IRX4: variants seen among roughly 807,000 people sequenced by gnomAD.
The protein encoded by IRX4 is iroquois homeobox 4, also known as iroquois-class homeodomain protein IRX-4.
In IRX4, 22 loss-of-function variants were observed where a neutral mutation model predicts 32.0. The observed-to-expected ratio is 0.69, with a 90% CI of 0.49 to 0.98. The LOEUF (loss-of-function observed/expected upper bound fraction) is 0.98, where lower values mean the gene tolerates loss of function less well. Among genes scored for constraint, IRX4 ranks in the 50% least tolerant of loss-of-function variants. The pLI is 0.00. For synonymous variants in IRX4, 379 were observed against 351.7 expected, an observed-to-expected ratio of 1.08 and a Z score of -0.87; for missense variants, 840 against 744.2, an observed-to-expected ratio of 1.13 and a Z score of -1.50.
Position 1,878,687 on chromosome 5 carries a change from G to C in IRX4, c.842C>G (p.Ser281Cys). Reference protein sequence around the residue: ...PACELKPPFHSLDGGLERVPA... With the variant: ...PACELKPPFHCLDGGLERVPA... ...GACGCGCTCCAGACCGCCGTCCAGGGAGTGGAAGGGCGGCTTCAGCTCGCA... is the reference window on the plus strand; with the variant it reads ...GACGCGCTCCAGACCGCCGTCCAGGCAGTGGAAGGGCGGCTTCAGCTCGCA... The change falls in exon 5 of 5, where the codon TCC (serine) becomes TGC (cysteine). Residue 281 changes from serine (S) to cysteine (C), a missense_variant. Physicochemically the swap from Ser to Cys is moderately radical, Grantham distance 112. Coordinates refer to ENST00000231357, the MANE Select transcript of IRX4 (RefSeq NM_016358.3). The C allele has an allele frequency of 6.2e-7, 1 of 1,608,198 alleles. No individual in the cohort carries two copies. Among genetic ancestry groups the C allele is most frequent in the Non-Finnish European group, 8.5e-7 (1 of 1,178,130 alleles).
Position 1,882,769 on chromosome 5 carries a change from G to T in IRX4, c.-122C>A. 2 of 566,634 alleles carry T rather than the reference G, an allele frequency of 3.5e-6. No individual in the cohort carries two copies. Among genetic ancestry groups the T allele is most frequent in the South Asian group, 8.7e-5 (2 of 23,064 alleles). The allele number at this position is 566,634 out of a possible 1,614,324, so 35.1% of individuals were successfully genotyped here. A position where few individuals can be genotyped will look rare whatever the true frequency, so the allele number is the denominator to read the frequency against. ...GGCGCTGGGAGGGCGAAGCAGGAGAGCCGGTTAGTCCATCCCCGCGCTCCG... is the reference window on the plus strand; with the variant it reads ...GGCGCTGGGAGGGCGAAGCAGGAGATCCGGTTAGTCCATCCCCGCGCTCCG... On this transcript the variant is annotated 5_prime_UTR_variant, in exon 1 of 5. Coordinates refer to ENST00000231357, the MANE Select transcript of IRX4 (RefSeq NM_016358.3).
rs552545208 is a variant in IRX4 at position 1,877,828 on chromosome 5, A to C, written c.*141T>G. 3.3e-4 allele frequency: 249 copies of C among 763,750 alleles called. No individual in the cohort carries two copies. The Middle Eastern group carries it at 8.9e-3, about 27-fold the overall frequency. 47.3% of individuals were successfully genotyped at this position (763,750 alleles called of 1,614,324 possible). ...CGCCGGGCTTGTCCATGTTCCCAGGAGTCCAAGTTCAGAAGCCCCCTCTCC... is the reference window on the plus strand; with the variant it reads ...CGCCGGGCTTGTCCATGTTCCCAGGCGTCCAAGTTCAGAAGCCCCCTCTCC... On this transcript the variant is annotated 3_prime_UTR_variant, in exon 5 of 5. Coordinates refer to ENST00000231357, the MANE Select transcript of IRX4 (RefSeq NM_016358.3).
Position 1,877,523 on chromosome 5 carries a change from T to G in IRX4, c.*446A>C, listed in dbSNP as rs910287718. ...TCTTAAAAAGCATCATATTATGGAG[T>G]CAAGAGTGTGCAAGAGTCAACTCAG... On this transcript the variant is annotated 3_prime_UTR_variant, in exon 5 of 5. Coordinates refer to ENST00000231357, the MANE Select transcript of IRX4 (RefSeq NM_016358.3). The G allele has an allele frequency of 1.2e-5, 2 of 171,472 alleles. No individual in the cohort carries two copies. The highest frequency in any genetic ancestry group is 2.4e-5 in the Non-Finnish European group (2 of 82,518). 10.6% of individuals were successfully genotyped at this position (171,472 alleles called of 1,614,324 possible).
upstream of IRX4, among the ~76,000 whole-genome samples, chr5:1,885,979 C>A (rs758979588): frequency 3.0e-4 from 45 of 149,722 alleles, no homozygotes; most frequent in Middle Eastern, 3.5e-3. Flanking sequence ...CCGGAGTACA[C>A]AGCACCGGCT....
In IRX4 at chr5:1,882,588, C is replaced by T; in HGVS notation, c.45+15G>A. ...GGCACCTGCGGTGGCCTGGGCGGGG[C>T]GGGGCTCCGCTTACCTGGGGAGCCG... On this transcript the variant is annotated intron_variant, in intron 1 of 4. Transcript: ENST00000231357. 4 of 1,484,914 alleles carry T rather than the reference C, an allele frequency of 2.7e-6. No individual in the cohort carries two copies. The highest frequency in any genetic ancestry group is 2.6e-5 in the South Asian group (2 of 75,994). 92.0% of individuals were successfully genotyped at this position (1,484,914 alleles called of 1,614,324 possible).
intron 2 of IRX4, chr5:1,881,052 CGGGCCGGTGGGGGG>C (rs1157120845): frequency 2.2e-5 from 2 of 92,004 alleles, no homozygotes; most frequent in Non-Finnish European, 3.3e-5. Context: ...TGGTGGAGCG[CGGGCCGGTGGGGGG>C]GGGCGGGGGG....
At chr5:1,880,696 A>T (rs1735394977) in intron 3 of IRX4, 29 bp downstream of exon 3, 1 of 1,450,390 alleles carries the variant, frequency 6.9e-7, no homozygotes, top group Admixed American at 1.7e-5. Context: ...CCGTGGGGCT[A>T]GTGCTGGTTA....
chr5:1,886,951 A>AGCC (rs1425244210), upstream of IRX4: 4 of 150,930 alleles, frequency 2.7e-5, no homozygotes, highest in African/African-American at 9.7e-5. Flanking sequence ...GAGTCGCCGC[A>AGCC]GCCGCCGCCG....
Position 1,878,019 on chromosome 5 carries a change from T to C in IRX4, c.1510A>G (p.Arg504Gly), listed in dbSNP as rs1474408427. 8.6e-6 allele frequency: 13 copies of C among 1,507,466 alleles called. No individual in the cohort carries two copies. Among genetic ancestry groups the C allele is most frequent in the Non-Finnish European group, 1.1e-5 (12 of 1,133,658 alleles). The allele number at this position is 1,507,466 out of a possible 1,614,324, so 93.4% of individuals were successfully genotyped here. ...PQDAPAAGAA[R>G]ELLALPKAGG... ...GCCTTGGGCAGGGCGAGCAGCTCCC[T>C]GGCGGCGCCTGCAGCTGGGGCGTCC... The change falls in exon 5 of 5, where the codon AGG becomes GGG. Residue 504 changes from arginine (R) to glycine (G), a missense_variant. Transcript: ENST00000231357.
At chr5:1,880,160 G>A (rs1561136509) in intron 3 of IRX4, 2 of 1,531,532 alleles carry the variant, frequency 1.3e-6, no homozygotes, top group Non-Finnish European at 1.7e-6. Flanking sequence ...CCATAAAAAG[G>A]TATAGACAGG....
At position 1,877,850 on chromosome 5, in the gene IRX4, C is replaced by A; in HGVS notation, c.*119G>T. ...AGGAGTCCAAGTTCAGAAGCCCCCTCTCCGGTGGGTTGGCGGCTTCGCGGT... is the reference window on the plus strand; with the variant it reads ...AGGAGTCCAAGTTCAGAAGCCCCCTATCCGGTGGGTTGGCGGCTTCGCGGT... On this transcript the variant is annotated 3_prime_UTR_variant, in exon 5 of 5. Transcript: ENST00000231357. 1 of 945,484 alleles carries A rather than the reference C, an allele frequency of 1.1e-6. No homozygotes were observed. The highest frequency in any genetic ancestry group is 1.5e-6 in the Non-Finnish European group (1 of 649,722). The allele number at this position is 945,484 out of a possible 1,614,324, so 58.6% of individuals were successfully genotyped here. A position where few individuals can be genotyped will look rare whatever the true frequency, so the allele number is the denominator to read the frequency against.
At position 1,880,806 on chromosome 5, in the gene IRX4, C is replaced by A. The variant is rs1295004032; in HGVS notation, c.326G>T (p.Gly109Val). 2 of 1,613,708 alleles carry A rather than the reference C, an allele frequency of 1.2e-6. No individual in the cohort carries two copies. The highest frequency in any genetic ancestry group is 1.1e-5 in the South Asian group (1 of 91,066). The part of the protein sequence containing the change: ...LNSFDSKDGS[G>V]SAHGGLAPAA... The stretch of plus-strand genomic sequence containing the variant: ...TGGTGCCAGGCCCCCATGCGCAGAT[C>A]CCGAACCATCCTTGGAATCAAAGCT... The change falls in exon 3 of 5, where the codon GGA (glycine) becomes GTA (valine). Residue 109 changes from glycine (G) to valine (V), a missense_variant. By Grantham distance (109) the Gly-to-Val change is moderately radical. Transcript: ENST00000231357.
rs901266989 is a variant in IRX4, at chr5:1,877,721, G to A, written c.*248C>T. ...CAGGGTATCTGGCCTCTTCTGCTCCGAGAGCCTCTCCTTCCGCGTCCCAAA... is the reference window on the plus strand; with the variant it reads ...CAGGGTATCTGGCCTCTTCTGCTCCAAGAGCCTCTCCTTCCGCGTCCCAAA... On this transcript the variant is annotated 3_prime_UTR_variant, in exon 5 of 5. Coordinates refer to ENST00000231357, the MANE Select transcript of IRX4 (RefSeq NM_016358.3). 1.2e-5 allele frequency: 6 copies of A among 519,514 alleles called. No individual in the cohort carries two copies. The highest frequency in any genetic ancestry group is 2.0e-5 in the African/African-American group (1 of 48,922). The allele number at this position is 519,514 out of a possible 1,614,324, so 32.2% of individuals were successfully genotyped here. A position where few individuals can be genotyped will look rare whatever the true frequency, so the allele number is the denominator to read the frequency against.
Position 1,878,012 on chromosome 5 carries a change from A to G in IRX4, c.1517T>C (p.Leu506Pro). The G allele has an allele frequency of 2.0e-6, 3 of 1,507,348 alleles. No individual in the cohort carries two copies. Among genetic ancestry groups the G allele is most frequent in the Non-Finnish European group, 2.6e-6 (3 of 1,133,534 alleles). The allele number at this position is 1,507,348 out of a possible 1,614,324, so 93.4% of individuals were successfully genotyped here. Residue 506 changes from leucine (L) to proline (P), a missense_variant, in exon 5 of 5, where the codon CTG (leucine) becomes CCG (proline). Coordinates refer to ENST00000231357, the MANE Select transcript of IRX4 (RefSeq NM_016358.3). ...GCCGCCGGCCTTGGGCAGGGCGAGC[A>G]GCTCCCTGGCGGCGCCTGCAGCTGG... The part of the protein sequence containing the change: ...DAPAAGAARE[L>P]LALPKAGGKP...
Position 1,882,674 on chromosome 5 carries a change from CG to C in IRX4, c.-28del. On this transcript the variant is annotated 5_prime_UTR_variant, in exon 1 of 5. Transcript: ENST00000231357. Reference sequence around the variant, plus strand: ...GCGGGCGCGGCCCGGGGCGGACGGGCGGGGCCTGCAGGGTTCTGCGCGCTGG... The same window carrying C: ...GCGGGCGCGGCCCGGGGCGGACGGGCGGGCCTGCAGGGTTCTGCGCGCTGG... 7.3e-7 allele frequency: 1 copy of C among 1,368,290 alleles called. No homozygotes were observed. The highest frequency in any genetic ancestry group is 9.5e-7 in the Non-Finnish European group (1 of 1,056,026). 84.8% of individuals were successfully genotyped at this position (1,368,290 alleles called of 1,614,324 possible).
rs140474834 is a variant in IRX4, at chr5:1,879,411, C to G, written c.736+93G>C. On this transcript the variant is annotated intron_variant, in intron 4 of 4. Coordinates refer to ENST00000231357, the MANE Select transcript of IRX4 (RefSeq NM_016358.3). ...GTGACCGCCTAGGCATGGGGCTCGG[C>G]GTTTGGGACCCCCAAGACGTCCTAG... 23 of 1,575,102 alleles carry G rather than the reference C, an allele frequency of 1.5e-5. No homozygotes were observed. In the East Asian group the frequency reaches 4.7e-4, roughly 32 times the overall value.
In IRX4 at chr5:1,881,932, G is replaced by A. The variant is rs1012051467; in HGVS notation, c.173C>T (p.Ala58Val). 2 of 1,575,948 alleles carry A rather than the reference G, an allele frequency of 1.3e-6. No homozygotes were observed. Among genetic ancestry groups the A allele is most frequent in the African/African-American group, 1.4e-5 (1 of 73,842 alleles). Residue 58 changes from alanine (A) to valine (V), a missense_variant, in exon 2 of 5, where the codon GCC becomes GTC. Around this residue, in one of 3 missense-constraint regions of IRX4, gnomAD observed 241 missense variants for 220.8 expected, o/e 1.09. Coordinates refer to ENST00000231357, the MANE Select transcript of IRX4 (RefSeq NM_016358.3). ...CGAGTTGAGCTCGTGGCGCGCGGTG[G>A]CCAGCAGCCGGCTCTCGTAGACCGG... ...YCPVYESRLL[A>V]TARHELNSAA... is the part of the protein sequence containing the mutation.
At chr5:1,885,881 T>C (rs998654214), upstream of IRX4, among the ~76,000 whole-genome samples, 15 of 152,268 alleles carry the variant, frequency 9.9e-5, no homozygotes, top group African/African-American at 3.4e-4. Flanking sequence ...CGCGTCTGCA[T>C]AGACTCGGAG....
At chr5:1,882,946 C>A (rs1243628166), upstream of IRX4, among the ~76,000 whole-genome samples, 1 of 136,120 alleles carries the variant, frequency 7.3e-6, no homozygotes, top group Non-Finnish European at 1.6e-5. Context: ...AAAAAAAAAA[C>A]GAGTCGCGCG....
Sources: gnomAD v4.1 joint callset for allele counts (sites outside exome capture counted in the v4.1 genomes callset) on GRCh38, gnomAD v4.1.1 for gene constraint, gnomAD v4.1.1 regional missense constraint, MANE v1.5 for transcripts, NCBI Gene and HGNC (gene_info 2026-07-23, HGNC 2026-07-21) for gene names.